PTPRD: variants seen among roughly 807,000 people sequenced by gnomAD.
PTPRD encodes receptor-type tyrosine-protein phosphatase delta.
A neutral mutation model predicts 214.5 loss-of-function variants in PTPRD; 34 were observed. That is an observed-to-expected ratio of 0.16 (90% CI 0.12 to 0.21). PTPRD has a LOEUF of 0.21. Among genes scored for constraint, PTPRD ranks in the 10% least tolerant of loss-of-function variants. The pLI is 1.00. For synonymous variants in PTPRD, 1,128 were observed against 845.7 expected (o/e 1.33, Z -5.79); for missense variants, 2,545 against 2,398.7 (o/e 1.06, Z -1.27).
chr9:8,385,804 TG>T (rs201079052), intron 37 of PTPRD, among the ~76,000 whole-genome samples: 1 of 152,254 alleles, frequency 6.6e-6, no homozygotes, highest in East Asian at 1.9e-4. Context: ...GATCCTGTCC[TG>T]GGGGAGAGCA....
At position 9,344,391 on chromosome 9, in the gene PTPRD, C is replaced by A. The variant is rs191364517; in HGVS notation, c.-203+53058G>T. On this transcript the variant is annotated intron_variant, in intron 9 of 45. Coordinates refer to ENST00000381196, the MANE Select transcript of PTPRD (RefSeq NM_002839.4). ...TACCTAATGCATGCGGGGCTTAAAACCTAGCTGACAGGTTGATAGGTGCAG... is the reference window on the plus strand; with the variant it reads ...TACCTAATGCATGCGGGGCTTAAAAACTAGCTGACAGGTTGATAGGTGCAG... Among the ~76,000 whole-genome samples the A allele has an allele frequency of 3.0e-3, 453 of 152,110 alleles. 2 individuals carry two copies. Among genetic ancestry groups the A allele is most frequent in the Non-Finnish European group, 4.4e-3 (298 of 67,994 alleles).
At chr9:10,505,162 T>C (rs2045491806) in intron 2 of PTPRD, among the ~76,000 whole-genome samples, 1 of 152,158 alleles carries the variant, frequency 6.6e-6, no homozygotes, top group South Asian at 2.1e-4. Context: ...GATATACATG[T>C]CCTCCACGCT....
intron 12 of PTPRD, among the ~76,000 whole-genome samples, chr9:8,664,248 T>A (rs2097127254): frequency 6.6e-6 from 1 of 152,180 alleles, no homozygotes; most frequent in Non-Finnish European, 1.5e-5. Flanking sequence ...TTTAAAAAAA[T>A]GACCAAGCAT....
chr9:10,425,387 G>C (rs2098603757), intron 2 of PTPRD, among the ~76,000 whole-genome samples: 1 of 151,812 alleles, frequency 6.6e-6, no homozygotes, highest in South Asian at 2.1e-4. Context: ...TTCTCATTTT[G>C]TTCAACTTTA....
intron 11 of PTPRD, among the ~76,000 whole-genome samples, chr9:8,771,400 G>C (rs1279376586): frequency 1.3e-5 from 2 of 152,144 alleles, no homozygotes; most frequent in African/African-American, 4.8e-5. Context: ...CAAGGAAAGT[G>C]TTTTATTCCT....
At chr9:10,123,659 T>C (rs924577729) in intron 3 of PTPRD, among the ~76,000 whole-genome samples, 1 of 152,146 alleles carries the variant, frequency 6.6e-6, no homozygotes, top group Non-Finnish European at 1.5e-5. Flanking sequence ...GGCAGATCAA[T>C]AAAAGAACAC....
intron 2 of PTPRD, among the ~76,000 whole-genome samples, chr9:10,373,633 C>A (rs1468128062): frequency 6.6e-6 from 1 of 152,050 alleles, no homozygotes; most frequent in Non-Finnish European, 1.5e-5. Context: ...TGAGCCTTTT[C>A]CCCAGCTATA....
intron 12 of PTPRD, among the ~76,000 whole-genome samples, chr9:8,664,602 G>A (rs768377464): frequency 6.6e-6 from 1 of 152,168 alleles, no homozygotes; most frequent in African/African-American, 2.4e-5. Context: ...CTAGTGAGCA[G>A]AGACCACCAG....
At chr9:10,302,355 C>A (rs1458303575) in intron 3 of PTPRD, among the ~76,000 whole-genome samples, 1 of 152,128 alleles carries the variant, frequency 6.6e-6, no homozygotes, top group Non-Finnish European at 1.5e-5. Flanking sequence ...GAAACTACAT[C>A]AACTAATGGG....
chr9:9,327,045 A>C (rs2040246674), intron 9 of PTPRD, among the ~76,000 whole-genome samples: 1 of 152,196 alleles, frequency 6.6e-6, no homozygotes, highest in Admixed American at 6.6e-5. Flanking sequence ...TGTTTACTAA[A>C]GAGGTCAATT....
intron 10 of PTPRD, among the ~76,000 whole-genome samples, chr9:9,116,585 C>A (rs1225323863): frequency 6.6e-6 from 1 of 152,080 alleles, no homozygotes; most frequent in African/African-American, 2.4e-5. Flanking sequence ...ATCCATGTAA[C>A]CCAAAACCAT....
chr9:8,367,237 T>G (rs1165535334), intron 39 of PTPRD, among the ~76,000 whole-genome samples: 1 of 152,220 alleles, frequency 6.6e-6, no homozygotes, highest in Admixed American at 6.5e-5. Context: ...CATTTTTTTT[T>G]TAAGTTAGAA....
chr9:8,692,495 T>C (rs902351995), intron 12 of PTPRD, among the ~76,000 whole-genome samples: 6 of 152,194 alleles, frequency 3.9e-5, no homozygotes, highest in Non-Finnish European at 7.4e-5. Flanking sequence ...TGCCTCATCT[T>C]TCCTAGCTGA....
At chr9:9,707,075 T>C (rs1230244177) in intron 7 of PTPRD, among the ~76,000 whole-genome samples, 2 of 152,176 alleles carry the variant, frequency 1.3e-5, no homozygotes, top group Non-Finnish European at 2.9e-5. Context: ...ATGTCCTTTT[T>C]ATTAAAATTC....
chr9:8,522,857 A>G (rs1160482759), intron 19 of PTPRD, among the ~76,000 whole-genome samples: 1 of 152,204 alleles, frequency 6.6e-6, no homozygotes, highest in Non-Finnish European at 1.5e-5. Context: ...TAAAAATTAT[A>G]AATAAACTGA....
At chr9:10,597,416 A>G (rs2133197592) in intron 2 of PTPRD, among the ~76,000 whole-genome samples, 1 of 151,894 alleles carries the variant, frequency 6.6e-6, no homozygotes, top group African/African-American at 2.4e-5. Flanking sequence ...AAATAAATTT[A>G]CTCACTTAAT....
At chr9:8,589,449 T>C (rs1038473186) in intron 14 of PTPRD, among the ~76,000 whole-genome samples, 8 of 152,220 alleles carry the variant, frequency 5.3e-5, no homozygotes, top group Non-Finnish European at 8.8e-5. Context: ...TCTTTATAAA[T>C]GTATTCTCAA....
chr9:8,988,485 G>A (rs1287280048), intron 11 of PTPRD, among the ~76,000 whole-genome samples: 1 of 151,998 alleles, frequency 6.6e-6, no homozygotes, highest in Non-Finnish European at 1.5e-5. Context: ...ATTATTTAGG[G>A]TCAGATAATA....
intron 12 of PTPRD, among the ~76,000 whole-genome samples, chr9:8,720,651 T>C (rs1221431295): frequency 6.6e-6 from 1 of 152,088 alleles, no homozygotes; most frequent in African/African-American, 2.4e-5. Context: ...AGTGAAACAC[T>C]AGTCACACAG....
Sources: allele counts gnomAD v4.1 joint callset (sites outside exome capture counted in the v4.1 genomes callset), GRCh38; gene constraint gnomAD v4.1.1; transcripts MANE v1.5; gene names NCBI Gene and HGNC (gene_info 2026-07-23, HGNC 2026-07-21).